Variants in MEGF10 observed in about 807,000 individuals in gnomAD.
The protein encoded by MEGF10 is multiple EGF like domains 10, also known as multiple epidermal growth factor-like domains protein 10.
Under a neutral mutation model 147.5 loss-of-function variants are expected in MEGF10, and 86 were observed. The ratio of observed to expected loss-of-function variants is 0.58; its 90% CI spans 0.49 to 0.70. The LOEUF is 0.70. Among genes scored for constraint, MEGF10 ranks in the 30% least tolerant of loss-of-function variants. The pLI is 0.00. For missense variants in MEGF10, 1,329 were observed against 1,487.3 expected (o/e 0.89, Z 1.75); for synonymous variants, 478 against 525.5 (o/e 0.91, Z 1.24).
the MEGF10 span, among the ~76,000 whole-genome samples, chr5:127,233,753 G>A: frequency 6.6e-6 from 1 of 152,116 alleles, no homozygotes; most frequent in East Asian, 1.9e-4. Flanking sequence ...GTCTTACCGG[G>A]AGCTCATTTG....
At chr5:127,325,849 ATGTGTGTATATATATATATACATATATG>A (rs1760995994) in intron 1 of MEGF10, among the ~76,000 whole-genome samples, 2 of 127,972 alleles carry the variant, frequency 1.6e-5, no homozygotes, top group Non-Finnish European at 3.5e-5. Flanking sequence ...ATATACATAT[ATGTGTGTATATATATATATACATATATG>A]TGTGTGTGTG....
At chr5:127,380,314 T>C (rs1183932063) in intron 5 of MEGF10, among the ~76,000 whole-genome samples, 1 of 152,080 alleles carries the variant, frequency 6.6e-6, no homozygotes, top group Non-Finnish European at 1.5e-5. Flanking sequence ...TTAGGGGCTC[T>C]TAGTTTGATA....
the MEGF10 span, among the ~76,000 whole-genome samples, chr5:127,247,903 ATTC>A: frequency 2.6e-5 from 4 of 151,234 alleles, no homozygotes; most frequent in South Asian, 2.1e-4. Flanking sequence ...CTGTGTAGAT[ATTC>A]TTCTTAGCTT....
intron 4 of MEGF10, among the ~76,000 whole-genome samples, chr5:127,343,197 A>G (rs562456311): frequency 4.6e-5 from 7 of 152,282 alleles, no homozygotes; most frequent in African/African-American, 1.7e-4. Flanking sequence ...TCCAGTCACC[A>G]AGATAAATTA....
chr5:127,311,314 G>C (rs1325846906), intron 1 of MEGF10, among the ~76,000 whole-genome samples: 1 of 152,188 alleles, frequency 6.6e-6, no homozygotes, highest in African/African-American at 2.4e-5. Context: ...TCATCTTGAA[G>C]AGCAAACTAA....
intron 1 of MEGF10, among the ~76,000 whole-genome samples, chr5:127,313,243 A>G (rs1243277031): frequency 6.6e-6 from 1 of 152,116 alleles, no homozygotes; most frequent in Non-Finnish European, 1.5e-5. Context: ...TATCCCAGAG[A>G]TAATTTTTTT....
chr5:127,391,102 G>GCACACACA (rs70997334), intron 5 of MEGF10, among the ~76,000 whole-genome samples: 649 of 53,832 alleles, frequency 0.012, 6 homozygotes, highest in East Asian at 0.015. Context: ...GCGCGCGCGC[G>GCACACACA]CACACACACA....
chr5:127,307,703 C>T (rs1350816742), intron 1 of MEGF10, among the ~76,000 whole-genome samples: 3 of 152,150 alleles, frequency 2.0e-5, no homozygotes, highest in South Asian at 2.1e-4. Flanking sequence ...TTTCTTCCAA[C>T]CCACCATGAT....
At chr5:127,382,473 T>A (rs947658101) in intron 5 of MEGF10, among the ~76,000 whole-genome samples, 2 of 152,208 alleles carry the variant, frequency 1.3e-5, no homozygotes, top group African/African-American at 4.8e-5. Flanking sequence ...GATGTTAGTA[T>A]ATAATTGGAA....
At chr5:127,277,463 A>AC in the MEGF10 span, among the ~76,000 whole-genome samples, 6 of 151,990 alleles carry the variant, frequency 3.9e-5, no homozygotes, top group Non-Finnish European at 8.8e-5. Flanking sequence ...AACCCAAGAA[A>AC]CCTCCTGCTT....
At chr5:127,340,936 AG>A (rs1418710868) in intron 4 of MEGF10, among the ~76,000 whole-genome samples, 1 of 152,174 alleles carries the variant, frequency 6.6e-6, no homozygotes, top group East Asian at 1.9e-4. Context: ...GAAATTGGTC[AG>A]GACTCATTGG....
chr5:127,458,121 A>T lies in MEGF10; in HGVS notation c.*803A>T, dbSNP rs934755619. 1 of 152,224 alleles carries T rather than the reference A, an allele frequency of 6.6e-6. No homozygotes were observed. Among genetic ancestry groups the T allele is most frequent in the South Asian group, 2.1e-4 (1 of 4,834 alleles). 9.4% of individuals were successfully genotyped at this position (152,224 alleles called of 1,614,324 possible). ...ATATTCACCACTTGAGATTCATAAC[A>T]TATCAATAGTTATTTCATAAATATA... On this transcript the variant is annotated 3_prime_UTR_variant, in exon 25 of 25. Coordinates refer to ENST00000503335, the MANE Select transcript of MEGF10 (RefSeq NM_001256545.2).
At chr5:127,403,956 C>T (rs1011466155) in intron 8 of MEGF10, among the ~76,000 whole-genome samples, 1 of 152,126 alleles carries the variant, frequency 6.6e-6, no homozygotes, top group Middle Eastern at 3.4e-3. Context: ...GGGTATATAC[C>T]CAGCAGTGGG....
the MEGF10 span, among the ~76,000 whole-genome samples, chr5:127,248,602 T>C: frequency 6.6e-6 from 1 of 151,714 alleles, no homozygotes; most frequent in Non-Finnish European, 1.5e-5. Context: ...CAAGAGGAGA[T>C]TGGATAATGC....
At chr5:127,247,946 C>T in the MEGF10 span, among the ~76,000 whole-genome samples, 8 of 152,010 alleles carry the variant, frequency 5.3e-5, no homozygotes, top group East Asian at 1.9e-4. Flanking sequence ...GGGCTTTACA[C>T]GTCAGGTCGA....
intron 4 of MEGF10, among the ~76,000 whole-genome samples, chr5:127,360,574 C>A (rs932493894): frequency 1.3e-5 from 2 of 151,860 alleles, no homozygotes; most frequent in Admixed American, 6.6e-5. Flanking sequence ...TAGAGGAAAG[C>A]ATTTCATTCT....
At chr5:127,285,006 T>A in the MEGF10 span, among the ~76,000 whole-genome samples, 1 of 152,190 alleles carries the variant, frequency 6.6e-6, no homozygotes, top group South Asian at 2.1e-4. Flanking sequence ...AAATATCTCA[T>A]AAAATCCTTG....
chr5:127,405,010 T>G (rs1294304817), intron 8 of MEGF10, among the ~76,000 whole-genome samples: 3 of 152,128 alleles, frequency 2.0e-5, no homozygotes, highest in Non-Finnish European at 4.4e-5. Flanking sequence ...GAAACACCTT[T>G]GTCTGTAACA....
chr5:127,369,894 A>G lies in MEGF10; in HGVS notation c.320-16A>G. On this transcript the variant is annotated splice_polypyrimidine_tract_variant and intron_variant, in intron 4 of 24. Coordinates refer to ENST00000503335, the MANE Select transcript of MEGF10 (RefSeq NM_001256545.2). ...TGTGCCAACTTTCTTTATTTGATTG[A>G]TTTTCTCTCTGACAGCCCACTGTGC... The G allele has an allele frequency of 6.3e-7, 1 of 1,587,960 alleles. No individual in the cohort carries two copies. The highest frequency in any genetic ancestry group is 8.6e-7 in the Non-Finnish European group (1 of 1,166,360).
Sources: allele counts gnomAD v4.1 joint callset (sites outside exome capture counted in the v4.1 genomes callset), GRCh38; gene constraint gnomAD v4.1.1; transcripts MANE v1.5; gene names NCBI Gene and HGNC (gene_info 2026-07-23, HGNC 2026-07-21).